LINGO2: variants seen among roughly 807,000 people sequenced by gnomAD.
The protein encoded by LINGO2 is leucine rich repeat and Ig domain containing 2, also known as leucine-rich repeat and immunoglobulin-like domain-containing nogo receptor-interacting protein 2.
Under a neutral mutation model 30.6 loss-of-function variants are expected in LINGO2, and 14 were observed. The ratio of observed to expected loss-of-function variants is 0.46; its 90% CI spans 0.30 to 0.72. The LOEUF is 0.72. Among genes scored for constraint, LINGO2 ranks in the 30% least tolerant of loss-of-function variants. LINGO2 has a pLI of 0.07. For synonymous variants in LINGO2, 317 were observed against 288.5 expected (o/e 1.10, Z -1.00); for missense variants, 729 against 751.7 (o/e 0.97, Z 0.35).
chr9:28,212,506 G>T (rs906370852), intron 4 of LINGO2, among the ~76,000 whole-genome samples: 1 of 151,146 alleles, frequency 6.6e-6, no homozygotes, highest in African/African-American at 2.4e-5. Context: ...ATATGAACTG[G>T]ATTTAGAAAA....
chr9:27,962,807 G>A (rs1819912145), intron 5 of LINGO2, among the ~76,000 whole-genome samples: 1 of 152,078 alleles, frequency 6.6e-6, no homozygotes, highest in Non-Finnish European at 1.5e-5. Context: ...GTTTCATTAG[G>A]AATAAAGCAG....
chr9:28,060,596 T>C (rs1309889127), intron 4 of LINGO2, among the ~76,000 whole-genome samples: 1 of 152,174 alleles, frequency 6.6e-6, no homozygotes, highest in African/African-American at 2.4e-5. Context: ...CTTGAACTAA[T>C]TATTATTATA....
chr9:29,017,684 A>G, the LINGO2 span, among the ~76,000 whole-genome samples: 1 of 152,106 alleles, frequency 6.6e-6, no homozygotes, highest in Non-Finnish European at 1.5e-5. Context: ...GCAATAGCCT[A>G]TCTGGGATCA....
At chr9:28,252,245 G>A (rs897092523) in intron 4 of LINGO2, among the ~76,000 whole-genome samples, 2 of 151,856 alleles carry the variant, frequency 1.3e-5, no homozygotes, top group African/African-American at 4.8e-5. Flanking sequence ...TTTGTTTTTT[G>A]AGATGGACTC....
chr9:28,484,412 C>T (rs1826091218), intron 1 of LINGO2, among the ~76,000 whole-genome samples: 1 of 152,020 alleles, frequency 6.6e-6, no homozygotes, highest in African/African-American at 2.4e-5. Context: ...ATACAAAATA[C>T]ACAGAATCCC....
chr9:28,683,197 T>C, the LINGO2 span, among the ~76,000 whole-genome samples: 6 of 152,184 alleles, frequency 3.9e-5, no homozygotes, highest in Admixed American at 3.9e-4. Flanking sequence ...CCCTATTGTA[T>C]TGCTATTATT....
intron 4 of LINGO2, among the ~76,000 whole-genome samples, chr9:28,253,532 C>T (rs181938121): frequency 1.2e-3 from 178 of 152,172 alleles, no homozygotes; most frequent in African/African-American, 4.1e-3. Flanking sequence ...TAAATGATTC[C>T]TCTTGCATTG....
At chr9:28,300,390 C>T (rs998682942) in intron 3 of LINGO2, among the ~76,000 whole-genome samples, 1 of 152,116 alleles carries the variant, frequency 6.6e-6, no homozygotes, top group Non-Finnish European at 1.5e-5. Context: ...TCACTGAGAA[C>T]GCAGGGCCTG....
intron 1 of LINGO2, among the ~76,000 whole-genome samples, chr9:28,627,477 A>C (rs953626169): frequency 1.3e-5 from 2 of 152,052 alleles, no homozygotes; most frequent in African/African-American, 4.8e-5. Flanking sequence ...CTGTTTTCTC[A>C]ACTGATCTCC....
chr9:28,893,726 C>T, the LINGO2 span, among the ~76,000 whole-genome samples: 1 of 45,390 alleles, frequency 2.2e-5, no homozygotes, highest in Non-Finnish European at 5.9e-5. Context: ...ATAAGTTATT[C>T]ACACTTTTTT....
chr9:28,950,229 T>C, the LINGO2 span, among the ~76,000 whole-genome samples: 18,088 of 152,162 alleles, frequency 0.12, 1,074 homozygotes, highest in South Asian at 0.15. Context: ...AAACCAGGTA[T>C]TGATGGAACG....
At chr9:29,072,470 T>G in the LINGO2 span, among the ~76,000 whole-genome samples, 1 of 151,816 alleles carries the variant, frequency 6.6e-6, no homozygotes, top group East Asian at 1.9e-4. Context: ...TTAGGATACA[T>G]GAACTCTATA....
At chr9:29,101,793 T>G in the LINGO2 span, among the ~76,000 whole-genome samples, 2 of 152,214 alleles carry the variant, frequency 1.3e-5, no homozygotes, top group Non-Finnish European at 2.9e-5. Context: ...TGCCACATTT[T>G]CTTTATCCAG....
the LINGO2 span, among the ~76,000 whole-genome samples, chr9:29,074,398 A>G: frequency 3.9e-5 from 6 of 152,160 alleles, 1 homozygote; most frequent in South Asian, 8.3e-4. Context: ...GGGCTAATAA[A>G]AATTACTTTA....
intron 3 of LINGO2, among the ~76,000 whole-genome samples, chr9:28,330,437 TCA>T (rs754613831): frequency 2.0e-5 from 3 of 152,158 alleles, no homozygotes; most frequent in Non-Finnish European, 4.4e-5. Flanking sequence ...ATTATTAACA[TCA>T]CACATTAGTG....
chr9:28,122,092 C>G (rs1317486972), intron 4 of LINGO2, among the ~76,000 whole-genome samples: 1 of 152,120 alleles, frequency 6.6e-6, no homozygotes, highest in Non-Finnish European at 1.5e-5. Context: ...GCGCATGATA[C>G]TACTTTTTAC....
At chr9:28,520,599 G>A (rs1038027136) in intron 1 of LINGO2, among the ~76,000 whole-genome samples, 1 of 152,034 alleles carries the variant, frequency 6.6e-6, no homozygotes, top group African/African-American at 2.4e-5. Flanking sequence ...CTCAGGGCAG[G>A]TATGTTATTT....
At chr9:28,555,743 C>A (rs2135525310) in intron 1 of LINGO2, among the ~76,000 whole-genome samples, 1 of 152,090 alleles carries the variant, frequency 6.6e-6, no homozygotes, top group Non-Finnish European at 1.5e-5. Context: ...ATGCAAAAAT[C>A]CTCAATAAAA....
the LINGO2 span, among the ~76,000 whole-genome samples, chr9:28,830,777 TAC>T: frequency 3.3e-5 from 5 of 152,252 alleles, no homozygotes; most frequent in African/African-American, 1.2e-4. Context: ...CACACACGTG[TAC>T]ATGCTCATAC....
Sources: gnomAD v4.1 joint callset for allele counts (sites outside exome capture counted in the v4.1 genomes callset) on GRCh38, gnomAD v4.1.1 for gene constraint, MANE v1.5 for transcripts, NCBI Gene and HGNC (gene_info 2026-07-23, HGNC 2026-07-21) for gene names.